RBFOX1: variants seen among roughly 807,000 people sequenced by gnomAD.
RBFOX1 encodes the protein RNA binding protein fox-1 homolog 1.
Under a neutral mutation model 57.7 loss-of-function variants are expected in RBFOX1, and 8 were observed. That is an observed-to-expected ratio of 0.14 (90% CI 0.08 to 0.25). The LOEUF (loss-of-function observed/expected upper bound fraction) is 0.25. Among genes scored for constraint, RBFOX1 ranks in the 10% least tolerant of loss-of-function variants. RBFOX1 has a pLI of 1.00. For missense variants in RBFOX1, 611 were observed against 548.5 expected, an observed-to-expected ratio of 1.11 and a Z score of -1.14; for synonymous variants, 326 against 222.4, an observed-to-expected ratio of 1.47 and a Z score of -4.15.
In RBFOX1 at chr16:7,542,987, G is replaced by A. The variant is rs143835294; in HGVS notation, c.270+24598G>A. On this transcript the variant is annotated intron_variant, in intron 5 of 15. Transcript: ENST00000550418. ...ACTATAGGTACTGACATTTGAGGCT[G>A]TGTGGCCCTGTCCACCGCTCTAGGT... Among the ~76,000 whole-genome samples, 425 of 152,272 alleles carry A rather than the reference G, an allele frequency of 2.8e-3. 1 individual carries two copies. The highest frequency in any genetic ancestry group is 9.6e-3 in the African/African-American group (400 of 41,542).
At chr16:6,503,093 G>C (rs1054105828) in intron 2 of RBFOX1, among the ~76,000 whole-genome samples, 1 of 152,148 alleles carries the variant, frequency 6.6e-6, no homozygotes, top group Admixed American at 6.5e-5. Context: ...ATTCTCAACA[G>C]ACCTAAGAAA....
rs185648050 is a variant in RBFOX1, at chr16:6,873,613, G to C, written c.-15-178444G>C. Among the ~76,000 whole-genome samples the C allele has an allele frequency of 1.2e-3, 181 of 152,202 alleles. 2 individuals are homozygous for C. Among genetic ancestry groups the C allele is most frequent in the Non-Finnish European group, 1.0e-3 (71 of 68,004 alleles). ...ATATTACACGTCTAGTTTTTACTGG[G>C]ATTGTGTAAGATTTTACACCAGCCA... is the stretch of plus-strand genomic sequence containing the variant. On this transcript the variant is annotated intron_variant, in intron 3 of 15. Transcript: ENST00000550418.
chr16:7,132,394 C>A (rs890511351), intron 4 of RBFOX1, among the ~76,000 whole-genome samples: 1 of 150,664 alleles, frequency 6.6e-6, no homozygotes, highest in Non-Finnish European at 1.5e-5. Flanking sequence ...ACCTAAAGGT[C>A]CATTGATGGG....
intron 2 of RBFOX1, among the ~76,000 whole-genome samples, chr16:6,637,461 G>T (rs1389670154): frequency 2.0e-5 from 1 of 49,976 alleles, no homozygotes; most frequent in Admixed American, 3.8e-4. Flanking sequence ...TATATAATAT[G>T]TATTATATAT....
chr16:6,438,498 G>C (rs968435371), intron 2 of RBFOX1, among the ~76,000 whole-genome samples: 8 of 152,164 alleles, frequency 5.3e-5, no homozygotes, highest in African/African-American at 1.7e-4. Context: ...GTCAATTTTA[G>C]TAAAGACTTT....
downstream of RBFOX1, among the ~76,000 whole-genome samples, chr16:5,603,973 A>T (rs2047464977): frequency 6.7e-6 from 1 of 148,308 alleles, no homozygotes; most frequent in Non-Finnish European, 1.5e-5. Flanking sequence ...CAATGGTGTC[A>T]TTCTCCCCTC....
rs1345841578 is a variant in RBFOX1, at chr16:5,274,528, T to C, written c.219+34423T>C. On this transcript the variant is annotated intron_variant, in intron 1 of 2. Coordinates refer to the RBFOX1 transcript ENST00000585867. ...TGCGTGATAGGGCGAGACTGGGTCT[T>C]AAAACTAAACAAAACAAAAACAAAG... Among the ~76,000 whole-genome samples, 4 of 152,186 alleles carry C rather than the reference T, an allele frequency of 2.6e-5. No individual in the cohort carries two copies. In the East Asian group the frequency reaches 7.7e-4, roughly 29 times the overall value.
chr16:5,985,973 C>A (rs913447790), intron 4 of RBFOX1, among the ~76,000 whole-genome samples: 1 of 152,104 alleles, frequency 6.6e-6, no homozygotes, highest in African/African-American at 2.4e-5. Context: ...CGTATACCAT[C>A]TAGAGAGACA....
chr16:6,691,206 C>T (rs1359857553), intron 3 of RBFOX1, among the ~76,000 whole-genome samples: 2 of 152,164 alleles, frequency 1.3e-5, no homozygotes, highest in Non-Finnish European at 2.9e-5. Context: ...CTAGATGTCA[C>T]TCCCATCAGA....
intron 7 of RBFOX1, among the ~76,000 whole-genome samples, chr16:7,588,068 A>G (rs1014580371): frequency 6.6e-6 from 1 of 152,148 alleles, no homozygotes; most frequent in African/African-American, 2.4e-5. Flanking sequence ...AATTCCAGCT[A>G]CTCGGGAGGC....
intron 4 of RBFOX1, among the ~76,000 whole-genome samples, chr16:7,082,642 G>T (rs568632466): frequency 7.9e-5 from 12 of 151,956 alleles, no homozygotes; most frequent in African/African-American, 2.4e-4. Context: ...TTCACATTTC[G>T]TTCAGTGTTT....
At chr16:5,632,899 C>A (rs2048561261) in intron 3 of RBFOX1, among the ~76,000 whole-genome samples, 1 of 150,980 alleles carries the variant, frequency 6.6e-6, no homozygotes, top group Non-Finnish European at 1.5e-5. Flanking sequence ...GGGAACACAA[C>A]CCAGGTCACC....
At chr16:5,708,326 A>G (rs2051326909) in intron 3 of RBFOX1, among the ~76,000 whole-genome samples, 1 of 152,194 alleles carries the variant, frequency 6.6e-6, no homozygotes, top group Admixed American at 6.5e-5. Flanking sequence ...AAAGGACAAA[A>G]AGACATAGTC....
chr16:7,107,862 C>T (rs544691435), intron 4 of RBFOX1, among the ~76,000 whole-genome samples: 6 of 152,204 alleles, frequency 3.9e-5, no homozygotes, highest in South Asian at 2.1e-4. Flanking sequence ...TTTCTCTACC[C>T]GTGGTCTAAA....
At chr16:7,292,126 A>G (rs2095793366) in intron 4 of RBFOX1, among the ~76,000 whole-genome samples, 1 of 78,954 alleles carries the variant, frequency 1.3e-5, no homozygotes, top group South Asian at 6.1e-4. Flanking sequence ...AATATATAAT[A>G]TATAATGTAT....
intron 1 of RBFOX1, among the ~76,000 whole-genome samples, chr16:5,322,764 T>C (rs1236112139): frequency 6.6e-6 from 1 of 152,190 alleles, no homozygotes; most frequent in Non-Finnish European, 1.5e-5. Context: ...GTTTACAATG[T>C]GAAAAATAGA....
At chr16:7,286,868 A>T (rs866963180) in intron 4 of RBFOX1, among the ~76,000 whole-genome samples, 1 of 151,840 alleles carries the variant, frequency 6.6e-6, no homozygotes, top group African/African-American at 2.4e-5. Context: ...ACCTCAGATG[A>T]TCCACCCGCC....
intron 4 of RBFOX1, among the ~76,000 whole-genome samples, chr16:7,106,393 C>G (rs2063587579): frequency 2.0e-5 from 3 of 152,074 alleles, no homozygotes; most frequent in Non-Finnish European, 4.4e-5. Flanking sequence ...AAATATTTTA[C>G]AGCTCTTTAT....
intron 4 of RBFOX1, among the ~76,000 whole-genome samples, chr16:5,922,092 T>C (rs1232527255): frequency 6.6e-6 from 1 of 151,804 alleles, no homozygotes; most frequent in Non-Finnish European, 1.5e-5. Flanking sequence ...GTCCAGGAGG[T>C]CGAGGCTGCA....
Sources: gnomAD v4.1 joint callset for allele counts (sites outside exome capture counted in the v4.1 genomes callset) on GRCh38, gnomAD v4.1.1 for gene constraint, MANE v1.5 for transcripts, NCBI Gene and HGNC (gene_info 2026-07-23, HGNC 2026-07-21) for gene names.